STIMATE: variants seen among roughly 807,000 people sequenced by gnomAD.
STIMATE encodes the protein store-operated calcium entry regulator STIMATE.
A neutral mutation model predicts 36.7 loss-of-function variants in STIMATE; 15 were observed. The observed-to-expected ratio is 0.41, with a 90% CI of 0.27 to 0.63. STIMATE has a LOEUF of 0.63. STIMATE is among the 20% of genes least tolerant of loss of function. The pLI is 0.32. For missense variants in STIMATE, 305 were observed against 397.3 expected (o/e 0.77, Z 1.98); for synonymous variants, 163 against 162.3 (o/e 1.00, Z -0.03).
intron 1 of STIMATE, among the ~76,000 whole-genome samples, chr3:52,888,963 T>C (rs1277140680): frequency 2.6e-5 from 4 of 152,120 alleles, no homozygotes; most frequent in African/African-American, 9.7e-5. Context: ...CCCCACCCAA[T>C]GTCCACACCA....
chr3:52,852,814 T>G, intron 2 of STIMATE, 116 bp from the exon 3 acceptor site: 1 of 1,301,572 alleles, frequency 7.7e-7, no homozygotes, highest in Non-Finnish European at 1.1e-6. Context: ...AATCACTGGT[T>G]ATCTCTTCCT....
intron 3 of STIMATE, among the ~76,000 whole-genome samples, chr3:52,850,594 C>T (rs979628466): frequency 1.3e-5 from 2 of 152,170 alleles, no homozygotes; most frequent in African/African-American, 2.4e-5. Context: ...ACAGTCCAGC[C>T]CAGGAGGCCC....
chr3:52,872,973 C>T (rs1701432998), intron 1 of STIMATE, among the ~76,000 whole-genome samples: 1 of 152,200 alleles, frequency 6.6e-6, no homozygotes, highest in South Asian at 2.1e-4. Context: ...GGTCTAAGTG[C>T]TCATGAACAT....
chr3:52,874,897 TA>T (rs1267292691), intron 1 of STIMATE, among the ~76,000 whole-genome samples: 2 of 152,084 alleles, frequency 1.3e-5, no homozygotes, highest in African/African-American at 4.8e-5. Context: ...AACAATAAAT[TA>T]AAAATGACTA....
chr3:52,889,590 AG>A (rs1701749018), intron 1 of STIMATE, among the ~76,000 whole-genome samples: 1 of 152,192 alleles, frequency 6.6e-6, no homozygotes, highest in Non-Finnish European at 1.5e-5. Flanking sequence ...AGATACTATC[AG>A]TCCCTACTTC....
At chr3:52,868,120 C>G (rs763355155) in intron 1 of STIMATE, among the ~76,000 whole-genome samples, 2 of 152,208 alleles carry the variant, frequency 1.3e-5, no homozygotes, top group Non-Finnish European at 2.9e-5. Context: ...TCCCAACAAC[C>G]AGGCCCCACT....
chr3:52,897,425 C>A lies in STIMATE; in HGVS notation c.26G>T (p.Ser9Ile). ...GGGCGGCCCGCCTGGCAGTCCCCGG[C>A]TCGCGTTCCCGGCGGGGCCCTGCAT... Reference protein sequence around the residue: MQGPAGNASRGLPGGPPST... With the variant: MQGPAGNAIRGLPGGPPST... The change falls in exon 1 of 8, where the codon AGC (serine) becomes ATC (isoleucine). Residue 9 changes from serine to isoleucine, a missense_variant. Physicochemically the swap from Ser to Ile is moderately radical, Grantham distance 142. Around this residue, in one of 3 missense-constraint regions of STIMATE, gnomAD observed 57 missense variants for 57.1 expected, o/e 1.00. Transcript: ENST00000355083. 1 of 1,446,366 alleles carries A rather than the reference C, an allele frequency of 6.9e-7. No individual in the cohort carries two copies. The highest frequency in any genetic ancestry group is 2.7e-5 in the Admixed American group (1 of 37,714). 89.6% of individuals were successfully genotyped at this position (1,446,366 alleles called of 1,614,324 possible).
Position 52,840,225 on chromosome 3 carries a change from A to T in STIMATE, c.*269T>A. 7.1e-6 allele frequency: 2 copies of T among 281,372 alleles called. No individual in the cohort carries two copies. The highest frequency in any genetic ancestry group is 1.3e-5 in the Non-Finnish European group (2 of 149,524). The allele number at this position is 281,372 out of a possible 1,614,324, so 17.4% of individuals were successfully genotyped here. A position where few individuals can be genotyped will look rare whatever the true frequency, so the allele number is the denominator to read the frequency against. ...AACACTGTCTGGGACGACAACAAAC[A>T]AACACAGCTCCTTCCTTGCATATTT... On this transcript the variant is annotated 3_prime_UTR_variant, in exon 8 of 8. Transcript: ENST00000355083.
chr3:52,876,288 C>A (rs530555603), intron 1 of STIMATE, among the ~76,000 whole-genome samples: 1 of 152,318 alleles, frequency 6.6e-6, no homozygotes, highest in East Asian at 1.9e-4. Context: ...CCACTGCTGA[C>A]CCTCACCTAC....
chr3:52,878,905 C>T (rs879893717), intron 1 of STIMATE, among the ~76,000 whole-genome samples: 1 of 152,194 alleles, frequency 6.6e-6, no homozygotes, highest in Non-Finnish European at 1.5e-5. Context: ...GAGCAGTCTA[C>T]TGAGAGGCTC....
chr3:52,881,054 G>T (rs1158889455), intron 1 of STIMATE, among the ~76,000 whole-genome samples: 1 of 152,080 alleles, frequency 6.6e-6, no homozygotes, highest in East Asian at 1.9e-4. Flanking sequence ...CAGATGTGGT[G>T]GGCATGCCTG....
intron 2 of STIMATE, among the ~76,000 whole-genome samples, chr3:52,854,027 T>C (rs1701052002): frequency 6.6e-6 from 1 of 152,214 alleles, no homozygotes; most frequent in African/African-American, 2.4e-5. Context: ...GACTGCAGGA[T>C]CATAATCTGT....
chr3:52,870,086 T>C (rs1432656682), intron 1 of STIMATE, among the ~76,000 whole-genome samples: 1 of 152,138 alleles, frequency 6.6e-6, no homozygotes, highest in African/African-American at 2.4e-5. Flanking sequence ...AAAGCACACA[T>C]CTGGCTTCAG....
At chr3:52,851,226 C>T (rs745633553) in intron 3 of STIMATE, among the ~76,000 whole-genome samples, 2 of 152,242 alleles carry the variant, frequency 1.3e-5, no homozygotes, top group Non-Finnish European at 2.9e-5. Context: ...TACCCAGATC[C>T]AGCTGAGCAC....
At chr3:52,886,795 C>T (rs1291539217) in intron 1 of STIMATE, among the ~76,000 whole-genome samples, 1 of 152,250 alleles carries the variant, frequency 6.6e-6, no homozygotes, top group African/African-American at 2.4e-5. Context: ...GAAACCTTCA[C>T]CAACACTAGA....
At chr3:52,887,676 C>T (rs1701711974) in intron 1 of STIMATE, among the ~76,000 whole-genome samples, 1 of 152,166 alleles carries the variant, frequency 6.6e-6, no homozygotes, top group African/African-American at 2.4e-5. Flanking sequence ...TGCCTCATAT[C>T]ACCCCACACC....
chr3:52,844,102 T>C (rs1700854539), intron 5 of STIMATE, among the ~76,000 whole-genome samples: 1 of 152,008 alleles, frequency 6.6e-6, no homozygotes, highest in Non-Finnish European at 1.5e-5. Context: ...GAGTGGAGTG[T>C]GGGCTTCAGG....
At chr3:52,845,546 G>A (rs1700879546) in intron 4 of STIMATE, among the ~76,000 whole-genome samples, 1 of 152,194 alleles carries the variant, frequency 6.6e-6, no homozygotes, top group East Asian at 1.9e-4. Context: ...CTTGGCCAGG[G>A]ACAAGGAAGT....
intron 5 of STIMATE, among the ~76,000 whole-genome samples, chr3:52,844,317 G>A (rs1700857242): frequency 6.6e-6 from 1 of 152,252 alleles, no homozygotes; most frequent in Non-Finnish European, 1.5e-5. Context: ...AAAGCTTCTG[G>A]CTGGTCTCAT....
Sources: allele counts gnomAD v4.1 joint callset (sites outside exome capture counted in the v4.1 genomes callset), GRCh38; gene constraint gnomAD v4.1.1; regional missense constraint gnomAD v4.1.1; transcripts MANE v1.5; gene names NCBI Gene and HGNC (gene_info 2026-07-23, HGNC 2026-07-21).